Variants in POLDIP3 observed in about 807,000 individuals in gnomAD.
The protein encoded by POLDIP3 is DNA polymerase delta interacting protein 3.
A neutral mutation model predicts 45.1 loss-of-function variants in POLDIP3; 14 were observed. The ratio of observed to expected loss-of-function variants is 0.31; its 90% confidence interval spans 0.20 to 0.49. POLDIP3 has a LOEUF of 0.49. POLDIP3 is among the 20% of genes least tolerant of loss of function. POLDIP3 has a pLI of 0.99. For synonymous variants in POLDIP3, 223 were observed against 205.2 expected, an observed-to-expected ratio of 1.09 and a Z score of -0.74; for missense variants, 511 against 538.8, an observed-to-expected ratio of 0.95 and a Z score of 0.51.
chr22:42,591,666 A>G (rs1925675107), intron 7 of POLDIP3, among the ~76,000 whole-genome samples: 1 of 152,258 alleles, frequency 6.6e-6, no homozygotes, highest in African/African-American at 2.4e-5. Context: ...GGGAGGCAAC[A>G]GCTGTGCCTC....
intron 3 of POLDIP3, among the ~76,000 whole-genome samples, chr22:42,601,380 A>C (rs953241682): frequency 8.0e-5 from 11 of 138,302 alleles, no homozygotes; most frequent in East Asian, 4.1e-4. Flanking sequence ...AACAAAAGAC[A>C]AAAAAAAAAA....
chr22:42,595,161 G>A (rs1925907635), intron 6 of POLDIP3, among the ~76,000 whole-genome samples: 1 of 152,228 alleles, frequency 6.6e-6, no homozygotes, highest in South Asian at 2.1e-4. Flanking sequence ...TTTCCCTCTG[G>A]GAGTCTGGAA....
At chr22:42,603,490 A>T (rs1267171801) in intron 1 of POLDIP3, 5 of 258,796 alleles carry the variant, frequency 1.9e-5, no homozygotes, top group African/African-American at 4.5e-5. Flanking sequence ...TAAAATAAAC[A>T]TCCACCAAAT....
At position 42,598,651 on chromosome 22, in the gene POLDIP3, T is replaced by C. The variant is rs558864407; in HGVS notation, c.633+1047A>G. 5.3e-5 allele frequency among the ~76,000 whole-genome samples: 8 copies of C among 152,270 alleles called. No homozygotes were observed. In the East Asian group the frequency reaches 1.5e-3, roughly 29 times the overall value. On this transcript the variant is annotated intron_variant, in intron 4 of 8. Coordinates refer to ENST00000252115, the MANE Select transcript of POLDIP3 (RefSeq NM_032311.5). ...TGCCCGCCTCTGCCTCCCAAAGTGTTGAGATTACAGGCGTGAGCCACCGCA... is the reference window on the plus strand; with the variant it reads ...TGCCCGCCTCTGCCTCCCAAAGTGTCGAGATTACAGGCGTGAGCCACCGCA...
intron 1 of POLDIP3, among the ~76,000 whole-genome samples, chr22:42,611,287 T>C (rs1046346680): frequency 6.6e-6 from 1 of 152,226 alleles, no homozygotes; most frequent in Non-Finnish European, 1.5e-5. Context: ...CCCACACAGC[T>C]GCAGTTACAG....
chr22:42,596,493 G>A, intron 4 of POLDIP3, 128 bp from the exon 5 acceptor site: 3 of 950,904 alleles, frequency 3.2e-6, no homozygotes, highest in South Asian at 3.6e-5. Flanking sequence ...TCTATTAGAG[G>A]TCTGGAGCCA....
intron 6 of POLDIP3, among the ~76,000 whole-genome samples, chr22:42,592,291 G>A (rs1925715799): frequency 6.6e-6 from 1 of 152,244 alleles, no homozygotes; most frequent in African/African-American, 2.4e-5. Context: ...GTGGGAAAGG[G>A]GCTGGGTTTA....
At chr22:42,601,447 A>G (rs978883431) in intron 3 of POLDIP3, among the ~76,000 whole-genome samples, 3 of 150,650 alleles carry the variant, frequency 2.0e-5, no homozygotes, top group African/African-American at 4.9e-5. Flanking sequence ...TCTGCCCCCT[A>G]TGCCTCCCTT....
chr22:42,602,892 T>C lies in POLDIP3; in HGVS notation c.328A>G (p.Lys110Glu). ...SRKQQTTVPQKPRQVADAREK... is the reference protein window; with the variant it reads ...SRKQQTTVPQEPRQVADAREK... ...CGGGCATCAGCAACCTGGCGGGGCT[T>C]CTGGGGCACCGTGGTCTGCTGCTTG... is the stretch of plus-strand genomic sequence containing the variant. Residue 110 changes from lysine (K) to glutamate (E), a missense_variant, in exon 2 of 9, where the codon AAG (lysine) becomes GAG (glutamate). Around this residue, in one of 4 missense-constraint regions of POLDIP3, gnomAD observed 378 missense variants for 352.3 expected, o/e 1.07. Coordinates refer to ENST00000252115, the MANE Select transcript of POLDIP3 (RefSeq NM_032311.5). 1 of 1,613,944 alleles carries C rather than the reference T, an allele frequency of 6.2e-7. No individual in the cohort carries two copies. The highest frequency in any genetic ancestry group is 8.5e-7 in the Non-Finnish European group (1 of 1,180,008).
At chr22:42,587,668 A>G in intron 7 of POLDIP3, 96 bp from the exon 8 acceptor site, 1 of 1,180,026 alleles carries the variant, frequency 8.5e-7, no homozygotes, top group Non-Finnish European at 1.3e-6. Context: ...TGGTCAAAGC[A>G]CCCACCACTG....
chr22:42,609,753 G>C (rs191978298), intron 1 of POLDIP3, among the ~76,000 whole-genome samples: 4 of 152,066 alleles, frequency 2.6e-5, no homozygotes, highest in Admixed American at 2.6e-4. Flanking sequence ...TCTGGGTTAG[G>C]GGGTGTTCGT....
At chr22:42,614,761 G>A (rs1426184308) in intron 1 of POLDIP3, 38 bp downstream of exon 1, 2 of 1,611,214 alleles carry the variant, frequency 1.2e-6, no homozygotes, top group Admixed American at 1.7e-5. Flanking sequence ...CCACTAGGCC[G>A]AGGACCCTAA....
At chr22:42,599,406 C>A (rs960463741) in intron 4 of POLDIP3, among the ~76,000 whole-genome samples, 4 of 152,228 alleles carry the variant, frequency 2.6e-5, no homozygotes, top group Non-Finnish European at 5.9e-5. Context: ...GAGTTTGAGA[C>A]CAGCCTGGCC....
intron 3 of POLDIP3, 32 bp downstream of exon 3, chr22:42,601,938 T>A (rs1926407812): frequency 1.3e-6 from 2 of 1,566,426 alleles, no homozygotes; most frequent in Non-Finnish European, 1.7e-6. Context: ...TACACACAGA[T>A]TCTCTCTCTC....
At chr22:42,605,538 AG>A (rs534513712) in intron 1 of POLDIP3, among the ~76,000 whole-genome samples, 54 of 152,356 alleles carry the variant, frequency 3.5e-4, no homozygotes, top group African/African-American at 1.2e-3. Flanking sequence ...TGGCAAATTC[AG>A]ATTTAAAGAT....
intron 3 of POLDIP3, among the ~76,000 whole-genome samples, chr22:42,600,551 G>A (rs369175063): frequency 1.3e-5 from 2 of 151,538 alleles, no homozygotes; most frequent in South Asian, 4.2e-4. Context: ...GTGTGAACCC[G>A]GGAGGCGGAG....
At chr22:42,592,581 C>T (rs1925736912) in intron 6 of POLDIP3, among the ~76,000 whole-genome samples, 1 of 152,182 alleles carries the variant, frequency 6.6e-6, no homozygotes, top group Non-Finnish European at 1.5e-5. Flanking sequence ...AAAACAGGGA[C>T]AGTTGGTCAC....
chr22:42,598,249 A>ATTT (rs34265457), intron 4 of POLDIP3, among the ~76,000 whole-genome samples: 2 of 90,854 alleles, frequency 2.2e-5, no homozygotes, highest in Non-Finnish European at 4.4e-5. Flanking sequence ...CACCCCGGAT[A>ATTT]TTTTTTTTTT....
At chr22:42,592,802 C>T (rs1354373301) in intron 6 of POLDIP3, among the ~76,000 whole-genome samples, 4 of 152,208 alleles carry the variant, frequency 2.6e-5, no homozygotes, top group African/African-American at 4.8e-5. Context: ...CCTCATTTTA[C>T]AGACAAGACG....
Sources: allele counts gnomAD v4.1 joint callset (sites outside exome capture counted in the v4.1 genomes callset), GRCh38; gene constraint gnomAD v4.1.1; regional missense constraint gnomAD v4.1.1; transcripts MANE v1.5; gene names NCBI Gene and HGNC (gene_info 2026-07-23, HGNC 2026-07-21).